SLC5A7: variants seen among roughly 807,000 people sequenced by gnomAD.
The protein encoded by SLC5A7 is high affinity choline transporter 1.
In SLC5A7, 19 loss-of-function variants were observed where a neutral mutation model predicts 55.4. That is an observed-to-expected ratio of 0.34 (90% CI 0.24 to 0.50). The LOEUF (loss-of-function observed/expected upper bound fraction) is 0.50, where lower values mean the gene tolerates loss of function less well. SLC5A7 is among the 20% of genes least tolerant of loss of function. The pLI, the probability that SLC5A7 is intolerant of heterozygous loss-of-function variation, is 0.98. For missense variants in SLC5A7, 506 were observed against 705.3 expected, an observed-to-expected ratio of 0.72 and a Z score of 3.20; for synonymous variants, 265 against 263.7, an observed-to-expected ratio of 1.00 and a Z score of -0.05.
chr2:107,998,058 A>T, intron 5 of SLC5A7, 72 bp downstream of exon 5: 14 of 1,360,820 alleles, frequency 1.0e-5, no homozygotes, highest in Non-Finnish European at 1.4e-5. Flanking sequence ...TAACTCATTA[A>T]AAATGAGTAG....
chr2:107,988,259 C>G lies in SLC5A7; in HGVS notation c.104C>G (p.Ala35Gly). The change falls in exon 2 of 9, where the codon GCA becomes GGA. Residue 35 changes from alanine (A) to glycine (G), a missense_variant. Physicochemically the swap from Ala to Gly is moderately conservative, Grantham distance 60 (BLOSUM62 0). Transcript: ENST00000264047. ...TGGAGAACCAAAAACAGTGGCAGCG[C>G]AGAAGAGCGCAGCGAAGCCATCATA... is the stretch of plus-strand genomic sequence containing the variant. ...AAWRTKNSGS[A>G]EERSEAIIVG... is the part of the protein sequence containing the mutation. 6.2e-7 allele frequency: 1 copy of G among 1,614,120 alleles called. No homozygotes were observed. The highest frequency in any genetic ancestry group is 8.5e-7 in the Non-Finnish European group (1 of 1,179,988).
At chr2:108,005,118 C>T (rs890838952) in intron 6 of SLC5A7, among the ~76,000 whole-genome samples, 1 of 152,134 alleles carries the variant, frequency 6.6e-6, no homozygotes, top group Middle Eastern at 3.2e-3. Context: ...TATTTAGGTA[C>T]AACGTAAAAT....
chr2:108,002,576 A>G lies in SLC5A7; in HGVS notation c.741+536A>G, dbSNP rs565649112. 2.0e-5 allele frequency among the ~76,000 whole-genome samples: 3 copies of G among 152,296 alleles called. No homozygotes were observed. The East Asian group carries it at 5.8e-4, about 29-fold the overall frequency. ...AGGCAGAACTTTGGGGCAAAGGTGCAGGCACTTTGAGGAGGACATGGAAGA... is the reference window on the plus strand; with the variant it reads ...AGGCAGAACTTTGGGGCAAAGGTGCGGGCACTTTGAGGAGGACATGGAAGA... On this transcript the variant is annotated intron_variant, in intron 6 of 8. Transcript: ENST00000264047.
rs143876748 is a variant in SLC5A7 at position 107,988,201 on chromosome 2, C to G, written c.46C>G (p.Leu16Val). The G allele has an allele frequency of 2.5e-6, 4 of 1,613,972 alleles. No homozygotes were observed. In the South Asian group the frequency reaches 4.4e-5, roughly 18 times the overall value. ...EGLIAIIVFYLLILLVGIWAA... is the reference protein window; with the variant it reads ...EGLIAIIVFYVLILLVGIWAA... Reference sequence around the variant, plus strand: ...ACTGATAGCTATCATCGTGTTCTACCTTCTAATTTTGCTGGTTGGAATATG... The same window carrying G: ...ACTGATAGCTATCATCGTGTTCTACGTTCTAATTTTGCTGGTTGGAATATG... The change falls in exon 2 of 9, where the codon CTT becomes GTT. Residue 16 changes from leucine (L) to valine (V), a missense_variant. Transcript: ENST00000264047.
chr2:108,004,478 A>T (rs1678030286), intron 6 of SLC5A7, among the ~76,000 whole-genome samples: 1 of 152,196 alleles, frequency 6.6e-6, no homozygotes, highest in Non-Finnish European at 1.5e-5. Flanking sequence ...GATAAGACAG[A>T]CGTCCCCAGA....
chr2:108,010,902 G>C lies in SLC5A7; in HGVS notation c.*41G>C. The C allele has an allele frequency of 6.6e-7, 1 of 1,512,182 alleles. No individual in the cohort carries two copies. Among genetic ancestry groups the C allele is most frequent in the East Asian group, 2.3e-5 (1 of 44,222 alleles). 93.7% of individuals were successfully genotyped at this position (1,512,182 alleles called of 1,614,324 possible). A position where few individuals can be genotyped will look rare whatever the true frequency, so the allele number is the denominator to read the frequency against. On this transcript the variant is annotated 3_prime_UTR_variant, in exon 9 of 9. Coordinates refer to ENST00000264047, the MANE Select transcript of SLC5A7 (RefSeq NM_021815.5). Reference sequence around the variant, plus strand: ...ATACTGCTTTTGCAAACAGAACACTGTAATAGGGTAGTTCTGGAGAGATGG... The same window carrying C: ...ATACTGCTTTTGCAAACAGAACACTCTAATAGGGTAGTTCTGGAGAGATGG...
chr2:107,989,078 G>A (rs1207622355), intron 2 of SLC5A7, among the ~76,000 whole-genome samples: 1 of 152,158 alleles, frequency 6.6e-6, no homozygotes, highest in Non-Finnish European at 1.5e-5. Context: ...AAGTGGTTCT[G>A]TTTAAAGGGT....
intron 2 of SLC5A7, among the ~76,000 whole-genome samples, chr2:107,991,505 G>T (rs372766173): frequency 6.6e-6 from 1 of 152,104 alleles, no homozygotes; most frequent in South Asian, 2.1e-4. Context: ...ATGGAGATAA[G>T]ATTTGCAAGC....
Position 107,992,093 on chromosome 2 carries a change from C to T in SLC5A7, c.179-13C>T. 1 of 1,577,922 alleles carries T rather than the reference C, an allele frequency of 6.3e-7. No homozygotes were observed. Among genetic ancestry groups the T allele is most frequent in the South Asian group, 1.1e-5 (1 of 90,004 alleles). On this transcript the variant is annotated splice_polypyrimidine_tract_variant and intron_variant, in intron 2 of 8. Transcript: ENST00000264047. ...AAGACAGTATCACTCCCTCACTTTT[C>T]ATTCTGTTTCAGCTACCTGGGTCGG...
At position 108,011,113 on chromosome 2, in the gene SLC5A7, A is replaced by G. The variant is rs867373099; in HGVS notation, c.*252A>G. The G allele has an allele frequency of 1.8e-5, 6 of 332,316 alleles. No individual in the cohort carries two copies. Among genetic ancestry groups the G allele is most frequent in the Non-Finnish European group, 3.2e-5 (6 of 186,788 alleles). The allele number at this position is 332,316 out of a possible 1,614,324, so 20.6% of individuals were successfully genotyped here. A position where few individuals can be genotyped will look rare whatever the true frequency, so the allele number is the denominator to read the frequency against. On this transcript the variant is annotated 3_prime_UTR_variant, in exon 9 of 9. Coordinates refer to ENST00000264047, the MANE Select transcript of SLC5A7 (RefSeq NM_021815.5). ...ATAGTTTTGCTAGGTATAAAAAATA[A>G]GTAAAGTTCCACTTAGAGAACAAAG...
chr2:108,004,064 C>T (rs1291493575), intron 6 of SLC5A7, among the ~76,000 whole-genome samples: 1 of 152,066 alleles, frequency 6.6e-6, no homozygotes, highest in African/African-American at 2.4e-5. Context: ...TCCCAAAGAC[C>T]CCACCTCTGA....
chr2:107,996,833 C>A (rs1001394606), intron 4 of SLC5A7, among the ~76,000 whole-genome samples: 1 of 152,130 alleles, frequency 6.6e-6, no homozygotes, highest in East Asian at 1.9e-4. Context: ...ATATGATATT[C>A]AAATCTTAGG....
chr2:108,000,249 G>A (rs1037448628), intron 5 of SLC5A7, among the ~76,000 whole-genome samples: 3 of 151,872 alleles, frequency 2.0e-5, no homozygotes, highest in Non-Finnish European at 4.4e-5. Context: ...TCTTCTACCT[G>A]TTAGTATTGG....
At chr2:107,997,801 G>C in intron 4 of SLC5A7, 37 bp from the exon 5 acceptor site, 2 of 1,565,988 alleles carry the variant, frequency 1.3e-6, no homozygotes, top group Non-Finnish European at 1.7e-6. Flanking sequence ...GAATCTGTCT[G>C]GGCACCTTGA....
Position 107,988,096 on chromosome 2 carries a change from T to C in SLC5A7, c.-51-9T>C. Reference sequence around the variant, plus strand: ...ACTGGTTTATAATGCATCCCTGTATTTTCTTCAGAAGACTTAATGAAGTAG... The same window carrying C: ...ACTGGTTTATAATGCATCCCTGTATCTTCTTCAGAAGACTTAATGAAGTAG... On this transcript the variant is annotated splice_polypyrimidine_tract_variant and intron_variant, in intron 1 of 8. Coordinates refer to ENST00000264047, the MANE Select transcript of SLC5A7 (RefSeq NM_021815.5). 1 of 1,559,964 alleles carries C rather than the reference T, an allele frequency of 6.4e-7. No individual in the cohort carries two copies. The highest frequency in any genetic ancestry group is 8.8e-7 in the Non-Finnish European group (1 of 1,141,016).
chr2:107,998,373 G>A (rs1355037207), intron 5 of SLC5A7, among the ~76,000 whole-genome samples: 2 of 152,134 alleles, frequency 1.3e-5, no homozygotes, highest in African/African-American at 4.8e-5. Flanking sequence ...TGAATCCTAA[G>A]AATGCTCATA....
At chr2:107,992,786 T>C (rs1050239628) in intron 3 of SLC5A7, among the ~76,000 whole-genome samples, 186 bp from the exon 4 acceptor site, 1 of 152,246 alleles carries the variant, frequency 6.6e-6, no homozygotes, top group Non-Finnish European at 1.5e-5. Context: ...ATGGTAAGTG[T>C]ACTAAATAAA....
chr2:107,993,372 A>C (rs547714719), intron 4 of SLC5A7, among the ~76,000 whole-genome samples: 3 of 152,224 alleles, frequency 2.0e-5, no homozygotes, highest in Non-Finnish European at 4.4e-5. Context: ...ATAACTATGA[A>C]TTATAATGAT....
chr2:107,989,256 G>T (rs972360168), intron 2 of SLC5A7, among the ~76,000 whole-genome samples: 1 of 152,142 alleles, frequency 6.6e-6, no homozygotes, highest in African/African-American at 2.4e-5. Flanking sequence ...AACTGTGAGC[G>T]TTCATTGGAA....
Sources: gnomAD v4.1 joint callset for allele counts (sites outside exome capture counted in the v4.1 genomes callset) on GRCh38, gnomAD v4.1.1 for gene constraint, MANE v1.5 for transcripts, NCBI Gene and HGNC (gene_info 2026-07-23, HGNC 2026-07-21) for gene names.